Variants in SPATA1 observed in about 807,000 individuals in gnomAD.
The protein encoded by SPATA1 is spermatogenesis associated 1.
SPATA1 carries 57 observed loss-of-function variants against 59.6 expected under a neutral mutation model. That is an observed-to-expected ratio of 0.96 (90% CI 0.77 to 1.19). The LOEUF is 1.19. SPATA1 is among the 50% of genes most tolerant of loss of function. The pLI is 0.00. For missense variants in SPATA1, 448 were observed against 480.7 expected, an observed-to-expected ratio of 0.93 and a Z score of 0.64; for synonymous variants, 147 against 163.9, an observed-to-expected ratio of 0.90 and a Z score of 0.79.
At chr1:84,540,689 T>C (rs1407775797) in intron 8 of SPATA1, among the ~76,000 whole-genome samples, 1 of 152,244 alleles carries the variant, frequency 6.6e-6, no homozygotes, top group African/African-American at 2.4e-5. Context: ...CAATGATTTC[T>C]TGGTTAGATG....
chr1:84,544,235 C>T (rs1171376048), exon 9 of SPATA1: 3 of 1,601,224 alleles, frequency 1.9e-6, no homozygotes, highest in Non-Finnish European at 2.6e-6. Context: ...CCTACCAGAT[C>T]ACCCTTCACT....
exon 4 of SPATA1, chr1:84,522,470 T>G (rs1683068631): frequency 6.5e-7 from 1 of 1,548,680 alleles, no homozygotes; most frequent in African/African-American, 1.4e-5. Flanking sequence ...GCAGAAAAAT[T>G]TTTATTTCTG....
At chr1:84,565,772 A>G (rs1429236453) in intron 4 of SPATA1, 89 bp from the exon 14 acceptor site, 1 of 889,272 alleles carries the variant, frequency 1.1e-6, no homozygotes, top group Non-Finnish European at 1.5e-6. Context: ...AATACTAAAA[A>G]CATCTTAATA....
chr1:84,554,626 G>A (rs1192821965), downstream of SPATA1: 3 of 166,008 alleles, frequency 1.8e-5, no homozygotes, highest in African/African-American at 2.4e-5. Flanking sequence ...AAAACTCTAA[G>A]CAAACAATTT....
chr1:84,521,691 T>C (rs1274381506), intron 3 of SPATA1, among the ~76,000 whole-genome samples: 1 of 152,184 alleles, frequency 6.6e-6, no homozygotes. Context: ...TTTTTACTTA[T>C]TTACTTCATT....
At chr1:84,529,637 A>G (rs1240653732) in intron 6 of SPATA1, among the ~76,000 whole-genome samples, 2 of 121,316 alleles carry the variant, frequency 1.6e-5, no homozygotes, top group African/African-American at 3.3e-5. Flanking sequence ...GCTGCAGTGC[A>G]GTGGTGCGAT....
intron 6 of SPATA1, among the ~76,000 whole-genome samples, chr1:84,531,000 A>G (rs1229448796): frequency 2.6e-5 from 4 of 152,160 alleles, no homozygotes; most frequent in African/African-American, 7.2e-5. Flanking sequence ...TTTTAAACAT[A>G]TATTTGTTGG....
chr1:84,549,702 G>A (rs1684212815), intron 11 of SPATA1: 1 of 151,822 alleles, frequency 6.6e-6, no homozygotes, highest in South Asian at 2.1e-4. Context: ...AATTTGATTT[G>A]GGTTGGATCA....
chr1:84,542,455 TG>T (rs1449589038), intron 8 of SPATA1, among the ~76,000 whole-genome samples: 1 of 152,214 alleles, frequency 6.6e-6, no homozygotes, highest in Admixed American at 6.5e-5. Flanking sequence ...TGACTCCCTG[TG>T]TTTTTCAAAT....
At chr1:84,522,247 ATGTGGAAACATAATATGT>A (rs1406796245) in intron 3 of SPATA1, 125 bp from the exon 4 acceptor site, 1 of 424,662 alleles carries the variant, frequency 2.4e-6, no homozygotes, top group Non-Finnish European at 4.2e-6. Flanking sequence ...AATGCCGGCA[ATGTGGAAACATAATATGT>A]TAAGCTATAT....
intron 9 of SPATA1, among the ~76,000 whole-genome samples, chr1:84,544,827 C>A (rs1269791274): frequency 6.6e-6 from 1 of 151,884 alleles, no homozygotes; most frequent in African/African-American, 2.4e-5. Context: ...TCCCAAAGTG[C>A]TGGGATTACA....
intron 2 of SPATA1, among the ~76,000 whole-genome samples, 152 bp downstream of exon 2, chr1:84,516,547 C>T (rs959797419): frequency 2.0e-5 from 3 of 152,216 alleles, no homozygotes; most frequent in African/African-American, 4.8e-5. Flanking sequence ...CCTGATTACA[C>T]TTCTCGTGTC....
intron 12 of SPATA1, 174 bp downstream of exon 12, chr1:84,550,704 A>G (rs1684244447): frequency 8.4e-7 from 1 of 1,186,954 alleles, no homozygotes; most frequent in Non-Finnish European, 1.1e-6. Context: ...AAGAAAAACT[A>G]AACCTGTGAA....
At chr1:84,563,519 T>C (rs754096448) in intron 4 of SPATA1, 72 of 873,122 alleles carry the variant, frequency 8.2e-5, no homozygotes, top group Non-Finnish European at 1.1e-4. Context: ...ACATATACCA[T>C]AGAAAACCTG....
Position 84,548,781 on chromosome 1 carries a change from T to TTTGA in SPATA1, c.947-5_947-4insTTGA. 1.3e-6 allele frequency: 1 copy of TTTGA among 762,506 alleles called. No homozygotes were observed. Among genetic ancestry groups the TTTGA allele is most frequent in the Non-Finnish European group, 1.6e-6 (1 of 606,972 alleles). 47.2% of individuals were successfully genotyped at this position (762,506 alleles called of 1,614,324 possible). On this transcript the variant is annotated splice_region_variant and splice_polypyrimidine_tract_variant and intron_variant, in intron 10 of 12. Coordinates refer to ENST00000490879, the Ensembl canonical transcript of SPATA1. Reference sequence around the variant, plus strand: ...TTTTTTTTTTTTTTTTTTTTTTTTTTATAGCCTACAATGGTTGGAAGAAAA... The same window carrying TTTGA: ...TTTTTTTTTTTTTTTTTTTTTTTTTTTTGAATAGCCTACAATGGTTGGAAGAAAA...
intron 1 of SPATA1, chr1:84,507,310 T>G (rs1022131025): frequency 6.6e-6 from 1 of 152,230 alleles, no homozygotes; most frequent in Non-Finnish European, 1.5e-5. Flanking sequence ...AAAATCTAAT[T>G]TATTTACTCA....
At position 84,563,663 on chromosome 1, in the gene SPATA1, T is replaced by C. The variant is rs1684635635; in HGVS notation, n.443-2198T>C. On this transcript the variant is annotated intron_variant and non_coding_transcript_variant, in intron 4 of 4. Transcript: ENST00000460286. The stretch of plus-strand genomic sequence containing the variant: ...TCAGAGATTCTAAAGTTTATATATT[T>C]CTAATGAAAACAGAGAGACTCTAAA... The C allele has an allele frequency of 4.3e-6, 4 of 922,158 alleles. No homozygotes were observed. The South Asian group carries it at 8.6e-5, about 20-fold the overall frequency. 57.1% of individuals were successfully genotyped at this position (922,158 alleles called of 1,614,324 possible).
chr1:84,526,170 A>G, intron 6 of SPATA1, 97 bp downstream of exon 6: 1 of 958,358 alleles, frequency 1.0e-6, no homozygotes, highest in South Asian at 2.0e-5. Flanking sequence ...TAGCCTTACA[A>G]ATATAGGCAG....
At chr1:84,566,978 CTT>C (rs1034163725), downstream of SPATA1, among the ~76,000 whole-genome samples, 1 of 152,150 alleles carries the variant, frequency 6.6e-6, no homozygotes, top group African/African-American at 2.4e-5. Context: ...GAATGTGTCT[CTT>C]TATGTTTATT....
Sources: gnomAD v4.1 joint callset for allele counts (sites outside exome capture counted in the v4.1 genomes callset) on GRCh38, gnomAD v4.1.1 for gene constraint, MANE v1.5 for transcripts, NCBI Gene and HGNC (gene_info 2026-07-23, HGNC 2026-07-21) for gene names.